The following ADAMTS13 variants were observed in gnomAD, a reference collection of about 807,000 sequenced individuals.
ADAMTS13 encodes the protein ADAM metallopeptidase with thrombospondin type 1 motif 13.
Under a neutral mutation model 155.1 loss-of-function variants are expected in ADAMTS13, and 110 were observed. The observed-to-expected ratio is 0.71, with a 90% CI of 0.61 to 0.83. ADAMTS13 has a LOEUF of 0.83. ADAMTS13 is among the 40% of genes least tolerant of loss of function. ADAMTS13 has a pLI of 0.00. For missense variants in ADAMTS13, 1,707 were observed against 1,891.7 expected (o/e 0.90, Z 1.81); for synonymous variants, 758 against 756.4 (o/e 1.00, Z -0.03).
chr9:133,422,131 A>C (rs1202432915), upstream of ADAMTS13: 2 of 422,824 alleles, frequency 4.7e-6, no homozygotes, highest in Non-Finnish European at 8.5e-6. Context: ...TCCCTTCTCC[A>C]GATTAGATGG....
chr9:133,445,974 T>C lies in ADAMTS13; in HGVS notation c.2731+155T>C, dbSNP rs1321425102. ...TAATACACAAGGAGACTAAGCATAG[T>C]AGCTGACAGCCACTTCAAATGTGGG... On this transcript the variant is annotated intron_variant, in intron 21 of 28. Coordinates refer to ENST00000355699, the MANE Select transcript of ADAMTS13 (RefSeq NM_139027.6). This position sits in a 1 kb window ranked among gnomAD's most constrained non-coding sequence, Gnocchi z 5.0. Among the ~76,000 whole-genome samples the C allele has an allele frequency of 6.6e-6, 1 of 152,138 alleles. No individual in the cohort carries two copies. The highest frequency in any genetic ancestry group is 1.9e-4 in the East Asian group (1 of 5,184).
Position 133,437,798 on chromosome 9 carries a change from C to A in ADAMTS13, c.1485C>A (p.Ile495=), listed in dbSNP as rs782540244. The A allele has an allele frequency of 6.2e-7, 1 of 1,614,000 alleles. No individual in the cohort carries two copies. The highest frequency in any genetic ancestry group is 1.1e-5 in the South Asian group (1 of 91,086). ...GCCGGGCCATTGGCGAGAGCTTCAT[C>A]ATGAAGCGTGGAGACAGCTTCCTCG... The part of the protein sequence containing the change: ...HMCRAIGESF[I]MKRGDSFLDG... The change falls in exon 13 of 29, where the codon ATC becomes ATA. Residue 495 remains isoleucine, a synonymous_variant. Transcript: ENST00000355699.
At chr9:133,429,572 G>T in intron 7 of ADAMTS13, 1 of 94,866 alleles carries the variant, frequency 1.1e-5, no homozygotes, top group Non-Finnish European at 2.0e-5. Flanking sequence ...CTACCCCTCC[G>T]TCCACTCTCC....
chr9:133,418,056 C>T, upstream of ADAMTS13: 1 of 569,592 alleles, frequency 1.8e-6, no homozygotes, highest in Non-Finnish European at 3.1e-6. Context: ...CGTCTCTCCA[C>T]AACCGGCTGG....
At chr9:133,416,843 C>T (rs1256455475) in intron 1 of ADAMTS13, among the ~76,000 whole-genome samples, 1 of 152,212 alleles carries the variant, frequency 6.6e-6, no homozygotes, top group Non-Finnish European at 1.5e-5. Flanking sequence ...GGGATTGCAA[C>T]ACGCATGGCA....
At chr9:133,429,840 G>T (rs1318040711) in intron 7 of ADAMTS13, 99 bp from the exon 8 acceptor site, 1 of 1,467,070 alleles carries the variant, frequency 6.8e-7, no homozygotes, top group East Asian at 2.5e-5. Flanking sequence ...AAAAGGCCAC[G>T]CTTCCAAACG....
chr9:133,441,843 G>A lies in ADAMTS13; in HGVS notation c.1969-556G>A, dbSNP rs1554790855. ...TGGCTCCAGAAGCACTTTCTGTGCT[G>A]GCCCTGCCCTAGCCCTTCTTGGGCT... On this transcript the variant is annotated intron_variant, in intron 16 of 28. Coordinates refer to ENST00000355699, the MANE Select transcript of ADAMTS13 (RefSeq NM_139027.6). The surrounding 1 kb of genome is among the most constrained non-coding windows in gnomAD (Gnocchi z 5.0). Among the ~76,000 whole-genome samples the A allele has an allele frequency of 1.3e-5, 2 of 152,184 alleles. No individual in the cohort carries two copies. The highest frequency in any genetic ancestry group is 4.8e-5 in the African/African-American group (2 of 41,448).
At chr9:133,449,200 TG>T (rs934152312) in intron 22 of ADAMTS13, among the ~76,000 whole-genome samples, 6 of 152,182 alleles carry the variant, frequency 3.9e-5, no homozygotes, top group African/African-American at 1.4e-4. Context: ...TGGGATGCTG[TG>T]GGTGCACATG....
intron 24 of ADAMTS13, 76 bp from the exon 25 acceptor site, chr9:133,455,208 TC>T: frequency 6.8e-7 from 1 of 1,481,198 alleles, no homozygotes; most frequent in Non-Finnish European, 9.3e-7. Flanking sequence ...ATTGGATCAC[TC>T]CTGGCCTGTG....
chr9:133,429,564 A>AC, intron 7 of ADAMTS13: 1 of 113,670 alleles, frequency 8.8e-6, no homozygotes, highest in South Asian at 1.0e-4. Context: ...ACCCGCCCCT[A>AC]CCCCTCCGTC....
Position 133,432,791 on chromosome 9 carries a change from A to G in ADAMTS13, c.1092+99A>G, listed in dbSNP as rs1254631400. The G allele has an allele frequency of 5.9e-6, 7 of 1,196,136 alleles. No homozygotes were observed. The African/African-American group carries it at 1.1e-4, about 18-fold the overall frequency. The allele number at this position is 1,196,136 out of a possible 1,614,324, so 74.1% of individuals were successfully genotyped here. A position where few individuals can be genotyped will look rare whatever the true frequency, so the allele number is the denominator to read the frequency against. ...TCCTAGGTCAGGAGGCAGGACCAGT[A>G]TGGGGCAGAGAGTCTTGGAGTTGGC... On this transcript the variant is annotated intron_variant, in intron 9 of 28. Transcript: ENST00000355699.
chr9:133,426,424 G>A (rs1840286395), intron 6 of ADAMTS13, 79 bp downstream of exon 6: 2 of 1,568,556 alleles, frequency 1.3e-6, no homozygotes, highest in African/African-American at 1.3e-5. Context: ...GTCTTGGCAA[G>A]CAGTGGGTCC....
chr9:133,445,422 C>T lies in ADAMTS13; in HGVS notation c.2611-277C>T, dbSNP rs1841992343. On this transcript the variant is annotated intron_variant, in intron 20 of 28. Coordinates refer to ENST00000355699, the MANE Select transcript of ADAMTS13 (RefSeq NM_139027.6). The surrounding 1 kb of genome is among the most constrained non-coding windows in gnomAD (Gnocchi z 5.0). The stretch of plus-strand genomic sequence containing the variant: ...CCTCATGGCTGGGGGGATTGCAGGG[C>T]CAGGCATGCTCCCATGTCCCACTCT... Among the ~76,000 whole-genome samples the T allele has an allele frequency of 6.6e-6, 1 of 152,162 alleles. No individual in the cohort carries two copies. Among genetic ancestry groups the T allele is most frequent in the African/African-American group, 2.4e-5 (1 of 41,444 alleles).
chr9:133,447,213 T>C (rs1554792894), intron 21 of ADAMTS13, among the ~76,000 whole-genome samples: 1 of 152,174 alleles, frequency 6.6e-6, no homozygotes, highest in East Asian at 1.9e-4. Context: ...CACACCATGT[T>C]CTTAAACGAA....
At chr9:133,449,068 G>A (rs1554793480) in intron 22 of ADAMTS13, among the ~76,000 whole-genome samples, 1 of 152,188 alleles carries the variant, frequency 6.6e-6, no homozygotes, top group Non-Finnish European at 1.5e-5. Flanking sequence ...AGGTCATTTT[G>A]TGCCCCCAGA....
chr9:133,414,604 A>C, exon 1 of ADAMTS13: 12 of 1,464,050 alleles, frequency 8.2e-6, no homozygotes, highest in Non-Finnish European at 1.1e-5. Flanking sequence ...CTCCATAAGG[A>C]GACAGGCCTT....
Position 133,422,392 on chromosome 9 carries a change from C to G in ADAMTS13, c.-52C>G, listed in dbSNP as rs587771364. The G allele has an allele frequency of 1.9e-4, 286 of 1,534,144 alleles. 3 individuals are homozygous for G. The South Asian group carries it at 2.9e-3, about 16-fold the overall frequency. On this transcript the variant is annotated 5_prime_UTR_variant, in exon 1 of 29. Transcript: ENST00000355699. Reference sequence around the variant, plus strand: ...ATTCCATACTGACCAGATTCCCAGTCACCAAGGCCCCCTCTCACTCCGCTC... The same window carrying G: ...ATTCCATACTGACCAGATTCCCAGTGACCAAGGCCCCCTCTCACTCCGCTC...
intron 9 of ADAMTS13, among the ~76,000 whole-genome samples, chr9:133,433,006 C>T (rs1329586927): frequency 6.7e-6 from 1 of 148,492 alleles, no homozygotes; most frequent in Non-Finnish European, 1.5e-5. Flanking sequence ...TGTAAGGGGT[C>T]CCTGTGAGTG....
intron 11 of ADAMTS13, among the ~76,000 whole-genome samples, chr9:133,435,831 A>G (rs1841160825): frequency 2.6e-5 from 4 of 151,670 alleles, no homozygotes; most frequent in Admixed American, 1.3e-4. Context: ...CGCGCCCAGC[A>G]TGTTTGGCTT....
Sources: gnomAD v4.1 joint callset for allele counts (sites outside exome capture counted in the v4.1 genomes callset) on GRCh38, gnomAD v4.1.1 for gene constraint, Gnocchi (gnomAD v3.1) non-coding constraint, MANE v1.5 for transcripts, NCBI Gene and HGNC (gene_info 2026-07-23, HGNC 2026-07-21) for gene names.